Variants in EXTL1 observed in about 807,000 individuals in gnomAD.
EXTL1 encodes exostosin-like 1.
A neutral mutation model predicts 64.6 loss-of-function variants in EXTL1; 43 were observed. The observed-to-expected ratio is 0.67, with a 90% CI of 0.52 to 0.86. The LOEUF (loss-of-function observed/expected upper bound fraction) is 0.86, where lower values mean the gene tolerates loss of function less well. Ranked by LOEUF, EXTL1 falls within the 40% of genes least tolerant of loss-of-function variation. The probability of loss-of-function intolerance (pLI) is 0.00; values close to 1 mark genes in which losing one functional copy is unlikely to be tolerated. For missense variants in EXTL1, 766 were observed against 879.0 expected (o/e 0.87, Z 1.62); for synonymous variants, 352 against 360.5 (o/e 0.98, Z 0.27).
intron 1 of EXTL1, among the ~76,000 whole-genome samples, chr1:26,024,793 C>T (rs554049680): frequency 2.9e-4 from 44 of 152,302 alleles, no homozygotes; most frequent in African/African-American, 1.1e-3. Context: ...CACTCAGGTA[C>T]TCTTGCTTGC....
At chr1:26,024,137 T>C (rs1361533809) in intron 1 of EXTL1, among the ~76,000 whole-genome samples, 1 of 152,200 alleles carries the variant, frequency 6.6e-6, no homozygotes, top group African/African-American at 2.4e-5. Flanking sequence ...TGGGGGCCTG[T>C]GGGATGTGGT....
intron 1 of EXTL1, 51 bp downstream of exon 1, chr1:26,023,476 C>T (rs1938405): frequency 0.62 from 863,024 of 1,396,056 alleles, 273,035 homozygotes; most frequent in East Asian, 0.77. Context: ...CTGGAATAGA[C>T]GCAAGCCCAA....
chr1:26,033,746 C>T lies in EXTL1; in HGVS notation c.1569C>T (p.Gly523=), dbSNP rs1012333423. 8 of 1,614,174 alleles carry T rather than the reference C, an allele frequency of 5.0e-6. No individual in the cohort carries two copies. Among genetic ancestry groups the T allele is most frequent in the Non-Finnish European group, 6.8e-6 (8 of 1,180,016 alleles). Residue 523 remains glycine, a synonymous_variant, in exon 9 of 11, where the codon GGC becomes GGT. Transcript: ENST00000374280. This position sits in a 1 kb window ranked among gnomAD's most constrained non-coding sequence, Gnocchi z 5.1. ...VWQSFPERMV[G]FLTSSHFWDE... ...AGAGCTTCCCAGAGCGGATGGTGGGCTTCCTGACGTCGAGCCATTTCTGGG... is the reference window on the plus strand; with the variant it reads ...AGAGCTTCCCAGAGCGGATGGTGGGTTTCCTGACGTCGAGCCATTTCTGGG...
intron 3 of EXTL1, 122 bp from the exon 4 acceptor site, chr1:26,030,354 A>ATT: frequency 5.7e-6 from 2 of 349,670 alleles, no homozygotes; most frequent in Non-Finnish European, 4.7e-6. Flanking sequence ...TTTTTTTGAG[A>ATT]TAGGATCTTG....
In EXTL1 at chr1:26,033,943, C is replaced by CTTTTGTAATGATA; in HGVS notation, c.1679+87_1679+88insTTTTGTAATGATA. On this transcript the variant is annotated intron_variant, in intron 9 of 10. Transcript: ENST00000374280. The surrounding 1 kb of genome is among the most constrained non-coding windows in gnomAD (Gnocchi z 5.1). ...CCCGAACGGAGCAGAGTGGCCTAGA[C>CTTTTGTAATGATA]CCCAGGGATCCAGGTTCAAGGCCGA... 1 of 1,269,162 alleles carries CTTTTGTAATGATA rather than the reference C, an allele frequency of 7.9e-7. No individual in the cohort carries two copies. The highest frequency in any genetic ancestry group is 1.6e-5 in the South Asian group (1 of 61,100). 78.6% of individuals were successfully genotyped at this position (1,269,162 alleles called of 1,614,324 possible).
rs762300295 is a variant in EXTL1 at position 26,033,364 on chromosome 1, G to A, written c.1518+49G>A. The A allele has an allele frequency of 6.6e-7, 1 of 1,510,148 alleles. No individual in the cohort carries two copies. The highest frequency in any genetic ancestry group is 1.1e-5 in the South Asian group (1 of 89,006). 93.5% of individuals were successfully genotyped at this position (1,510,148 alleles called of 1,614,324 possible). On this transcript the variant is annotated intron_variant, in intron 8 of 10. Transcript: ENST00000374280. This position sits in a 1 kb window ranked among gnomAD's most constrained non-coding sequence, Gnocchi z 5.1. The stretch of plus-strand genomic sequence containing the variant: ...CCCAGTGTGGGTAGACACAGAGCCA[G>A]AGGGCCCTGGCAGCCCCTCAGGTTC...
chr1:26,034,924 A>T lies in EXTL1; in HGVS notation c.1768A>T (p.Asn590Tyr). 1 of 1,614,190 alleles carries T rather than the reference A, an allele frequency of 6.2e-7. No homozygotes were observed. Among genetic ancestry groups the T allele is most frequent in the East Asian group, 2.2e-5 (1 of 44,874 alleles). ...EAPTCVDVLM[N>Y]FIVAAVTKLP... ...ACCCACCTGTGTGGACGTCCTGATGAATTTCATAGTAGCAGCAGTCACCAA... is the reference window on the plus strand; with the variant it reads ...ACCCACCTGTGTGGACGTCCTGATGTATTTCATAGTAGCAGCAGTCACCAA... Residue 590 changes from asparagine to tyrosine, a missense_variant, in exon 10 of 11, where the codon AAT (asparagine) becomes TAT (tyrosine). Physicochemically the swap from Asn to Tyr is moderately radical, Grantham distance 143. This residue lies in a region of EXTL1 where 194 missense variants were observed against 214.5 expected (regional missense o/e 0.90). Coordinates refer to ENST00000374280, the MANE Select transcript of EXTL1 (RefSeq NM_004455.3). This position sits in a 1 kb window ranked among gnomAD's most constrained non-coding sequence, Gnocchi z 4.6.
intron 1 of EXTL1, among the ~76,000 whole-genome samples, chr1:26,026,579 C>G (rs1436967527): frequency 2.0e-5 from 3 of 152,184 alleles, no homozygotes; most frequent in African/African-American, 7.2e-5. Context: ...CAGGCATGAG[C>G]CACGGCGCCC....
At chr1:26,032,070 G>A (rs1447027943) in intron 6 of EXTL1, 2 of 282,478 alleles carry the variant, frequency 7.1e-6, no homozygotes, top group African/African-American at 4.4e-5. Flanking sequence ...AAAAGAGCCT[G>A]AGGAAGAGAA....
rs925361016 is a variant in EXTL1 at position 26,025,259 on chromosome 1, T to G, written c.779+1834T>G. Among the ~76,000 whole-genome samples the G allele has an allele frequency of 2.0e-5, 3 of 152,202 alleles. No homozygotes were observed. The highest frequency in any genetic ancestry group is 6.5e-5 in the Admixed American group (1 of 15,278). On this transcript the variant is annotated intron_variant, in intron 1 of 10. Coordinates refer to ENST00000374280, the MANE Select transcript of EXTL1 (RefSeq NM_004455.3). The surrounding 1 kb of genome is among the most constrained non-coding windows in gnomAD (Gnocchi z 5.3). ...AGAGAAAGAGGCCATTCACAGTCCC[T>G]GCCACCTCCCCACATTCACTCAGCC...
chr1:26,034,704 G>C lies in EXTL1; in HGVS notation c.1680-132G>C. ...AGAGCTGTTCACGCCAGGGATGGGA[G>C]CTCTCTGAGGCAGCCAGGGCTCAGA... On this transcript the variant is annotated intron_variant, in intron 9 of 10. Transcript: ENST00000374280. The surrounding 1 kb of genome is among the most constrained non-coding windows in gnomAD (Gnocchi z 4.6). The C allele has an allele frequency of 1.2e-6, 1 of 845,916 alleles. No homozygotes were observed. The highest frequency in any genetic ancestry group is 1.9e-6 in the Non-Finnish European group (1 of 528,754). The allele number at this position is 845,916 out of a possible 1,614,324, so 52.4% of individuals were successfully genotyped here.
chr1:26,029,972 A>G (rs972770506), intron 3 of EXTL1, among the ~76,000 whole-genome samples: 18 of 152,290 alleles, frequency 1.2e-4, no homozygotes, highest in Admixed American at 9.8e-4. Context: ...AGACCAGACA[A>G]TCCCCATGGG....
chr1:26,029,829 T>G (rs2050262868), intron 3 of EXTL1, 122 bp downstream of exon 3: 4 of 649,508 alleles, frequency 6.2e-6, no homozygotes, highest in Non-Finnish European at 1.1e-5. Flanking sequence ...TACTGGTGAA[T>G]TTCTCCTAGC....
chr1:26,031,618 C>G, intron 6 of EXTL1, 52 bp downstream of exon 6: 1 of 1,145,394 alleles, frequency 8.7e-7, no homozygotes, highest in Non-Finnish European at 1.2e-6. Flanking sequence ...GGGTAAGGGA[C>G]AGGGCAGGGC....
At position 26,033,135 on chromosome 1, in the gene EXTL1, A is replaced by C. The variant is rs1468325752; in HGVS notation, c.1432-94A>C. The C allele has an allele frequency of 2.3e-6, 2 of 866,350 alleles. No individual in the cohort carries two copies. The highest frequency in any genetic ancestry group is 1.6e-5 in the African/African-American group (1 of 60,618). The allele number at this position is 866,350 out of a possible 1,614,324, so 53.7% of individuals were successfully genotyped here. ...TGAAGGGAGGCTTTATTCATGGCTCAGGCGTCTACACTGTGCCTGAATGGC... is the reference window on the plus strand; with the variant it reads ...TGAAGGGAGGCTTTATTCATGGCTCCGGCGTCTACACTGTGCCTGAATGGC... On this transcript the variant is annotated intron_variant, in intron 7 of 10. Coordinates refer to ENST00000374280, the MANE Select transcript of EXTL1 (RefSeq NM_004455.3). This position sits in a 1 kb window ranked among gnomAD's most constrained non-coding sequence, Gnocchi z 5.1.
chr1:26,028,752 A>G (rs1424390407), intron 1 of EXTL1, among the ~76,000 whole-genome samples: 1 of 152,156 alleles, frequency 6.6e-6, no homozygotes, highest in Non-Finnish European at 1.5e-5. Flanking sequence ...GGCTTTTAGC[A>G]TCGGGGAGGG....
In EXTL1 at chr1:26,030,562, CTCAGTG is replaced by C; in HGVS notation, c.1069_1074del (p.Ser357_Val358del). 1 of 1,613,734 alleles carries C rather than the reference CTCAGTG, an allele frequency of 6.2e-7. No homozygotes were observed. On this transcript the variant is annotated inframe_deletion, in exon 4 of 11. Transcript: ENST00000374280. ...AGTTTCTATGGGATGCCTACTTCTCCTCAGTGGAGAAGGTCATCCATACCACTCTGG... is the reference window on the plus strand; with the variant it reads ...AGTTTCTATGGGATGCCTACTTCTCCGAGAAGGTCATCCATACCACTCTGG...
rs1186075426 is a variant in EXTL1, at chr1:26,035,602, AACTT to A, written c.*256_*259del. The A allele has an allele frequency of 3.2e-5, 14 of 434,590 alleles. No individual in the cohort carries two copies. In the Admixed American group the frequency reaches 4.1e-4, roughly 13 times the overall value. 26.9% of individuals were successfully genotyped at this position (434,590 alleles called of 1,614,324 possible). A position where few individuals can be genotyped will look rare whatever the true frequency, so the allele number is the denominator to read the frequency against. On this transcript the variant is annotated 3_prime_UTR_variant, in exon 11 of 11. Transcript: ENST00000374280. The surrounding 1 kb of genome is among the most constrained non-coding windows in gnomAD (Gnocchi z 5.3). ...CCGCTCTCCGCTTCTCCACCCAGCT[AACTT>A]CTGCTCGTCTTTCAGAGCATTGTCT...
rs543239867 is a variant in EXTL1 at position 26,034,050 on chromosome 1, T to G, written c.1679+194T>G. Among the ~76,000 whole-genome samples the G allele has an allele frequency of 3.9e-5, 6 of 152,342 alleles. No individual in the cohort carries two copies. The highest frequency in any genetic ancestry group is 2.6e-4 in the Admixed American group (4 of 15,308). Reference sequence around the variant, plus strand: ...TTGTTTTCTCATCTGTAAAATGGGATGGATTCACCTCCCAGGGCTGGTGTG... The same window carrying G: ...TTGTTTTCTCATCTGTAAAATGGGAGGGATTCACCTCCCAGGGCTGGTGTG... On this transcript the variant is annotated intron_variant, in intron 9 of 10. Coordinates refer to ENST00000374280, the MANE Select transcript of EXTL1 (RefSeq NM_004455.3). The surrounding 1 kb of genome is among the most constrained non-coding windows in gnomAD (Gnocchi z 4.6).
Sources: gnomAD v4.1 joint callset for allele counts (sites outside exome capture counted in the v4.1 genomes callset) on GRCh38, gnomAD v4.1.1 for gene constraint, gnomAD v4.1.1 regional missense constraint, Gnocchi (gnomAD v3.1) non-coding constraint, MANE v1.5 for transcripts, NCBI Gene and HGNC (gene_info 2026-07-23, HGNC 2026-07-21) for gene names.